The following CYP39A1 variants were observed in gnomAD, a reference collection of about 807,000 sequenced individuals.
The protein encoded by CYP39A1 is 24-hydroxycholesterol 7-alpha-hydroxylase.
CYP39A1 carries 49 observed loss-of-function variants against 58.1 expected under a neutral mutation model. That is an observed-to-expected ratio of 0.84 (90% confidence interval 0.67 to 1.07). The LOEUF is 1.07. Among genes scored for constraint, CYP39A1 ranks in the 50% least tolerant of loss-of-function variants. The pLI is 0.00. For missense variants in CYP39A1, 531 were observed against 539.4 expected, an observed-to-expected ratio of 0.98 and a Z score of 0.16; for synonymous variants, 209 against 187.6, an observed-to-expected ratio of 1.11 and a Z score of -0.93.
intron 7 of CYP39A1, among the ~76,000 whole-genome samples, chr6:46,621,694 T>G (rs1398660731): frequency 6.6e-6 from 1 of 152,110 alleles, no homozygotes; most frequent in East Asian, 1.9e-4. Flanking sequence ...AAGAAAATCT[T>G]AGGACCAGAT....
chr6:46,567,822 A>G (rs1771378565), intron 10 of CYP39A1, among the ~76,000 whole-genome samples: 1 of 152,066 alleles, frequency 6.6e-6, no homozygotes, highest in Admixed American at 6.6e-5. Context: ...TTACTGGGGC[A>G]AGGGAAGGTT....
At chr6:46,652,293 G>A in intron 1 of CYP39A1, 113 bp downstream of exon 1, 1 of 1,030,862 alleles carries the variant, frequency 9.7e-7, no homozygotes, top group African/African-American at 1.6e-5. Context: ...CTTTAGTTGA[G>A]GCAAGCAGGT....
At position 46,611,203 on chromosome 6, in the gene CYP39A1, T is replaced by C. The variant is rs190046257; in HGVS notation, c.931+14215A>G. On this transcript the variant is annotated intron_variant, in intron 7 of 11. Transcript: ENST00000275016. ...CAAGGATGGATATGGCCTTTTGGCATGTGAAGGATTTAGGATAAGATTTTA... is the reference window on the plus strand; with the variant it reads ...CAAGGATGGATATGGCCTTTTGGCACGTGAAGGATTTAGGATAAGATTTTA... Among the ~76,000 whole-genome samples the C allele has an allele frequency of 1.2e-4, 18 of 152,374 alleles. No homozygotes were observed. The East Asian group carries it at 3.5e-3, about 29-fold the overall frequency.
At chr6:46,561,046 T>G (rs1268861654) in intron 10 of CYP39A1, among the ~76,000 whole-genome samples, 2 of 152,160 alleles carry the variant, frequency 1.3e-5, no homozygotes, top group African/African-American at 4.8e-5. Context: ...AGTACTTAGC[T>G]CTCTTCCTAC....
chr6:46,566,340 T>G (rs1771274526), intron 10 of CYP39A1, among the ~76,000 whole-genome samples: 1 of 152,174 alleles, frequency 6.6e-6, no homozygotes, highest in African/African-American at 2.4e-5. Context: ...GGAAAGAGGC[T>G]CAATTGACTC....
At chr6:46,635,621 G>T (rs1775935886) in intron 5 of CYP39A1, among the ~76,000 whole-genome samples, 1 of 152,106 alleles carries the variant, frequency 6.6e-6, no homozygotes, top group African/African-American at 2.4e-5. Flanking sequence ...GCACAATCAG[G>T]GTTTGCTGCA....
At chr6:46,625,371 A>G (rs974643042) in intron 7 of CYP39A1, 47 bp downstream of exon 7, 25 of 1,322,980 alleles carry the variant, frequency 1.9e-5, no homozygotes, top group Non-Finnish European at 2.4e-5. Context: ...AATGTGTGAC[A>G]AACATGCATT....
intron 7 of CYP39A1, among the ~76,000 whole-genome samples, chr6:46,609,295 C>A (rs926116635): frequency 6.6e-6 from 1 of 151,096 alleles, no homozygotes; most frequent in Non-Finnish European, 1.5e-5. Flanking sequence ...TCCAGCTACT[C>A]GGGAGGCTGA....
chr6:46,630,851 C>G, intron 6 of CYP39A1, 112 bp downstream of exon 6: 1 of 843,120 alleles, frequency 1.2e-6, no homozygotes. Context: ...TAGTTTTTTT[C>G]TTTTCCATAA....
Position 46,625,516 on chromosome 6 carries a change from A to T in CYP39A1, c.841-8T>A. The T allele has an allele frequency of 2.5e-6, 4 of 1,594,346 alleles. No individual in the cohort carries two copies. Among genetic ancestry groups the T allele is most frequent in the Non-Finnish European group, 3.4e-6 (4 of 1,165,484 alleles). On this transcript the variant is annotated splice_region_variant and splice_polypyrimidine_tract_variant and intron_variant, in intron 6 of 11. Transcript: ENST00000275016. The stretch of plus-strand genomic sequence containing the variant: ...AAGTGTCCAAAATGCAACCTTAAAA[A>T]GAAAAACATATATCAAAAATATGAA...
At chr6:46,568,791 G>C (rs993916089) in intron 10 of CYP39A1, among the ~76,000 whole-genome samples, 63 of 151,948 alleles carry the variant, frequency 4.1e-4, no homozygotes, top group Admixed American at 1.2e-3. Context: ...AATTACTGCA[G>C]CTTTGTAGTA....
intron 7 of CYP39A1, among the ~76,000 whole-genome samples, chr6:46,610,745 T>A (rs1002616781): frequency 6.6e-6 from 1 of 152,180 alleles, no homozygotes; most frequent in Non-Finnish European, 1.5e-5. Context: ...TCTCATTATA[T>A]GTACAGTAAT....
At chr6:46,617,269 T>C (rs1774666744) in intron 7 of CYP39A1, among the ~76,000 whole-genome samples, 1 of 152,190 alleles carries the variant, frequency 6.6e-6, no homozygotes. Context: ...AGTTTACTTA[T>C]ATGTAAAGTT....
intron 4 of CYP39A1, among the ~76,000 whole-genome samples, chr6:46,637,305 G>A (rs1038753962): frequency 6.6e-6 from 1 of 152,208 alleles, no homozygotes; most frequent in Non-Finnish European, 1.5e-5. Context: ...AAGCCTCCCA[G>A]TCTATGATAC....
At chr6:46,555,227 C>T (rs1770614656) in intron 10 of CYP39A1, among the ~76,000 whole-genome samples, 1 of 152,192 alleles carries the variant, frequency 6.6e-6, no homozygotes, top group Non-Finnish European at 1.5e-5. Context: ...TGATGATGCT[C>T]TGTGCCACAA....
intron 7 of CYP39A1, among the ~76,000 whole-genome samples, chr6:46,597,705 T>G (rs1249677390): frequency 2.0e-5 from 3 of 152,102 alleles, no homozygotes; most frequent in African/African-American, 7.2e-5. Flanking sequence ...ACATATGTGA[T>G]GGAACAGTGA....
chr6:46,574,330 G>A (rs182631215), intron 10 of CYP39A1, among the ~76,000 whole-genome samples: 38 of 152,212 alleles, frequency 2.5e-4, no homozygotes, highest in African/African-American at 3.9e-4. Flanking sequence ...AATCACTATC[G>A]TAAAGGAGAG....
intron 4 of CYP39A1, among the ~76,000 whole-genome samples, chr6:46,637,250 G>A (rs1168671886): frequency 2.6e-5 from 4 of 152,064 alleles, no homozygotes; most frequent in African/African-American, 9.7e-5. Context: ...CTCATCTCAG[G>A]CCTCCAGCCT....
intron 11 of CYP39A1, among the ~76,000 whole-genome samples, chr6:46,552,141 A>G (rs1770434189): frequency 6.6e-6 from 1 of 152,218 alleles, no homozygotes; most frequent in South Asian, 2.1e-4. Context: ...GTTTTAACCA[A>G]TGCCATCCTT....
Sources: gnomAD v4.1 joint callset for allele counts (sites outside exome capture counted in the v4.1 genomes callset) on GRCh38, gnomAD v4.1.1 for gene constraint, MANE v1.5 for transcripts, NCBI Gene and HGNC (gene_info 2026-07-23, HGNC 2026-07-21) for gene names.